Variants in TG observed in about 807,000 individuals in gnomAD.
TG encodes thyroglobulin.
TG carries 270 observed loss-of-function variants against 324.7 expected under a neutral mutation model. The observed-to-expected ratio is 0.83, with a 90% confidence interval of 0.75 to 0.92. TG has a LOEUF of 0.92. TG is among the 40% of genes least tolerant of loss of function. The pLI is 0.00. For missense variants in TG, 3,591 were observed against 3,456.4 expected, an observed-to-expected ratio of 1.04 and a Z score of -0.98; for synonymous variants, 1,401 against 1,327.0, an observed-to-expected ratio of 1.06 and a Z score of -1.21.
chr8:133,023,788 G>A (rs1429003449), intron 40 of TG, among the ~76,000 whole-genome samples: 1 of 152,174 alleles, frequency 6.6e-6, no homozygotes, highest in Non-Finnish European at 1.5e-5. Flanking sequence ...CCCTCAGTGG[G>A]CGGGGGATTA....
intron 41 of TG, chr8:133,038,223 G>C (rs1837437085): frequency 2.5e-6 from 1 of 397,906 alleles, no homozygotes; most frequent in South Asian, 2.4e-5. Context: ...TGTGAGAGTG[G>C]CTTTGTCCTT....
At position 132,994,714 on chromosome 8, in the gene TG, A is replaced by G. The variant is rs558854872; in HGVS notation, c.6262+11302A>G. 19 of 1,288,544 alleles carry G rather than the reference A, an allele frequency of 1.5e-5. No homozygotes were observed. The African/African-American group carries it at 2.3e-4, about 15-fold the overall frequency. The allele number at this position is 1,288,544 out of a possible 1,614,324, so 79.8% of individuals were successfully genotyped here. On this transcript the variant is annotated intron_variant, in intron 35 of 47. Transcript: ENST00000220616. ...ACAGAAGCATCTACCTCTTCTCCCC[A>G]GTGTTTAAAGTCCGGGAGGTGAGAG...
intron 42 of TG, 108 bp from the exon 43 acceptor site, chr8:133,096,098 T>A (rs577293027): frequency 7.2e-7 from 1 of 1,388,334 alleles, no homozygotes; most frequent in East Asian, 2.3e-5. Context: ...CTCAGTAGAG[T>A]CATAGATGGA....
At chr8:133,130,384 A>G (rs928620627) in intron 45 of TG, among the ~76,000 whole-genome samples, 1 of 152,192 alleles carries the variant, frequency 6.6e-6, no homozygotes, top group Non-Finnish European at 1.5e-5. Context: ...GGTGTGACTA[A>G]GGTTCAAGAC....
rs1001724403 is a variant in TG, at chr8:133,029,801, G to T, written c.7037-20G>T. 1.9e-6 allele frequency: 3 copies of T among 1,613,862 alleles called. No individual in the cohort carries two copies. In the African/African-American group the frequency reaches 4.0e-5, roughly 22 times the overall value. On this transcript the variant is annotated intron_variant, in intron 40 of 47. Transcript: ENST00000220616. Reference sequence around the variant, plus strand: ...GGTTGTAAAGTCACAAAGGATAAAAGGCTTTCCTCTTTTCTGAAGGGTCCG... The same window carrying T: ...GGTTGTAAAGTCACAAAGGATAAAATGCTTTCCTCTTTTCTGAAGGGTCCG...
At position 132,958,836 on chromosome 8, in the gene TG, T is replaced by C. The variant is rs1353662947; in HGVS notation, c.5402-2172T>C. 2.6e-5 allele frequency among the ~76,000 whole-genome samples: 4 copies of C among 152,098 alleles called. No homozygotes were observed. The East Asian group carries it at 7.7e-4, about 29-fold the overall frequency. ...GAGAGAGTGAAAACGGAACACAAAC[T>C]GAGCAGGTGCGCAACCACTGGTTCT... On this transcript the variant is annotated intron_variant, in intron 27 of 47. Transcript: ENST00000220616.
In TG at chr8:133,057,579, G is replaced by A. The variant is rs1297899837; in HGVS notation, c.7239+27556G>A. ...GGAGGGACTTGTTCCAGATCTCTGG[G>A]GCAGCCCGAGTGACTCACCTAAAGT... On this transcript the variant is annotated intron_variant, in intron 41 of 47. Transcript: ENST00000220616. Among the ~76,000 whole-genome samples, 4 of 152,044 alleles carry A rather than the reference G, an allele frequency of 2.6e-5. No homozygotes were observed. In the East Asian group the frequency reaches 7.7e-4, roughly 29 times the overall value.
chr8:133,122,851 C>T (rs2958693), intron 45 of TG, among the ~76,000 whole-genome samples: 116,443 of 152,144 alleles, frequency 0.77, 45,637 homozygotes, highest in African/African-American at 0.91. Flanking sequence ...TCTCTGCCCA[C>T]TGAAGAAACT....
intron 29 of TG, 74 bp from the exon 30 acceptor site, chr8:132,966,486 G>GTT: frequency 6.5e-7 from 1 of 1,527,932 alleles, no homozygotes; most frequent in South Asian, 1.1e-5. Context: ...GTGTGTGTGT[G>GTT]TTTCTTTCTT....
chr8:133,110,445 A>G (rs1239834487), intron 43 of TG, among the ~76,000 whole-genome samples: 5 of 152,236 alleles, frequency 3.3e-5, no homozygotes, highest in African/African-American at 2.4e-5. Flanking sequence ...AAATATTCAT[A>G]TTATTTATAT....
chr8:132,976,209 T>C (rs1830154434), intron 34 of TG, among the ~76,000 whole-genome samples: 5 of 152,130 alleles, frequency 3.3e-5, no homozygotes, highest in Admixed American at 2.6e-4. Context: ...ACTAGGTAAT[T>C]TATAATAAAC....
chr8:133,015,614 T>C (rs1201231258), intron 37 of TG, among the ~76,000 whole-genome samples: 7 of 152,234 alleles, frequency 4.6e-5, no homozygotes, highest in African/African-American at 1.7e-4. Context: ...TCAGCCTTTA[T>C]ATTTGTTCTG....
chr8:133,023,018 G>C (rs1418123550), intron 40 of TG, among the ~76,000 whole-genome samples: 1 of 152,188 alleles, frequency 6.6e-6, no homozygotes, highest in Admixed American at 6.5e-5. Flanking sequence ...ACATCTTCGA[G>C]GATAGTGACT....
chr8:132,880,640 C>A (rs1279678036), intron 5 of TG, among the ~76,000 whole-genome samples: 1 of 152,180 alleles, frequency 6.6e-6, no homozygotes, highest in Non-Finnish European at 1.5e-5. Flanking sequence ...TATCCATTTC[C>A]ATTCAAATTA....
intron 23 of TG, among the ~76,000 whole-genome samples, chr8:132,933,154 T>A (rs932292788): frequency 5.5e-5 from 8 of 145,806 alleles, no homozygotes; most frequent in Non-Finnish European, 1.1e-4. Context: ...TGTGCTTATA[T>A]GTGTGCTTGT....
intron 41 of TG, among the ~76,000 whole-genome samples, chr8:133,058,679 C>G (rs1639645674): frequency 6.6e-6 from 1 of 152,212 alleles, no homozygotes; most frequent in Non-Finnish European, 1.5e-5. Flanking sequence ...GCCCGGCATT[C>G]TCCTGACAGC....
At chr8:133,069,041 A>G (rs1461495128) in intron 41 of TG, among the ~76,000 whole-genome samples, 6 of 152,258 alleles carry the variant, frequency 3.9e-5, no homozygotes, top group East Asian at 3.8e-4. Context: ...TAGCCATTAC[A>G]TAGAATGGGG....
At chr8:132,953,971 A>G (rs1350107348) in intron 27 of TG, among the ~76,000 whole-genome samples, 4 of 151,116 alleles carry the variant, frequency 2.6e-5, no homozygotes, top group Non-Finnish European at 5.9e-5. Flanking sequence ...ATGTCCCCTA[A>G]TGCCACACAG....
intron 41 of TG, chr8:133,048,008 C>G (rs541465046): frequency 9.8e-6 from 8 of 813,724 alleles, no homozygotes; most frequent in Non-Finnish European, 1.6e-5. Flanking sequence ...CGCCACCCAC[C>G]GTACTAAGCA....
Sources: allele counts gnomAD v4.1 joint callset (sites outside exome capture counted in the v4.1 genomes callset), GRCh38; gene constraint gnomAD v4.1.1; transcripts MANE v1.5; gene names NCBI Gene and HGNC (gene_info 2026-07-23, HGNC 2026-07-21).